Variants in CHL1 observed in about 807,000 individuals in gnomAD.
CHL1 encodes the protein cell adhesion molecule L1 like.
In CHL1, 96 loss-of-function variants were observed where a neutral mutation model predicts 141.9. That is an observed-to-expected ratio of 0.68 (90% CI 0.57 to 0.80). The LOEUF (loss-of-function observed/expected upper bound fraction) is 0.80, where lower values mean the gene tolerates loss of function less well. Ranked by LOEUF, CHL1 falls within the 30% of genes least tolerant of loss-of-function variation. The pLI, the probability that CHL1 is intolerant of heterozygous loss-of-function variation, is 0.00. For synonymous variants in CHL1, 613 were observed against 502.2 expected (o/e 1.22, Z -2.95); for missense variants, 1,820 against 1,457.2 (o/e 1.25, Z -4.05).
chr3:273,781 G>A (rs1445238646), intron 2 of CHL1, among the ~76,000 whole-genome samples: 5 of 152,038 alleles, frequency 3.3e-5, no homozygotes, highest in Non-Finnish European at 7.4e-5. Flanking sequence ...TGGTAGGATG[G>A]TAATATGCCT....
At chr3:217,213 C>A (rs554664060) in intron 1 of CHL1, among the ~76,000 whole-genome samples, 1 of 152,204 alleles carries the variant, frequency 6.6e-6, no homozygotes, top group East Asian at 1.9e-4. Flanking sequence ...TGCAGCTGTG[C>A]TCCCAGATAC....
At chr3:251,214 A>T (rs1223998094) in intron 2 of CHL1, among the ~76,000 whole-genome samples, 1 of 152,108 alleles carries the variant, frequency 6.6e-6, no homozygotes, top group Non-Finnish European at 1.5e-5. Context: ...GAATGCTTTC[A>T]TTTTTCTTGA....
intron 24 of CHL1, among the ~76,000 whole-genome samples, chr3:396,249 G>T (rs1708655684): frequency 6.6e-6 from 1 of 152,102 alleles, no homozygotes; most frequent in South Asian, 2.1e-4. Context: ...TAACTAAAAG[G>T]TTCTTATGTC....
intron 2 of CHL1, among the ~76,000 whole-genome samples, chr3:270,135 G>A (rs1695509060): frequency 1.3e-5 from 2 of 152,160 alleles, no homozygotes; most frequent in Non-Finnish European, 2.9e-5. Context: ...TGGGGGGAAG[G>A]GGGAAATATT....
chr3:294,608 G>A (rs1304938645), intron 2 of CHL1, among the ~76,000 whole-genome samples: 2 of 152,018 alleles, frequency 1.3e-5, no homozygotes, highest in South Asian at 2.1e-4. Context: ...GATTATGAAA[G>A]GTAGTCATTC....
At chr3:361,027 T>A (rs1465262118) in intron 12 of CHL1, among the ~76,000 whole-genome samples, 3 of 152,038 alleles carry the variant, frequency 2.0e-5, no homozygotes, top group Non-Finnish European at 2.9e-5. Context: ...GTCTTTGCTA[T>A]TGTGAATAAT....
At chr3:370,216 C>A (rs1575191291) in intron 15 of CHL1, among the ~76,000 whole-genome samples, 1 of 152,266 alleles carries the variant, frequency 6.6e-6, no homozygotes. Context: ...GGCTGTCAAT[C>A]CATCTGGTCC....
chr3:347,994 T>A (rs1170441724), intron 9 of CHL1, among the ~76,000 whole-genome samples: 1 of 152,206 alleles, frequency 6.6e-6, no homozygotes, highest in Admixed American at 6.5e-5. Context: ...AACTGAATTA[T>A]TTTAACCACA....
At chr3:318,940 C>T (rs1249347971) in intron 2 of CHL1, among the ~76,000 whole-genome samples, 1 of 151,416 alleles carries the variant, frequency 6.6e-6, no homozygotes, top group Non-Finnish European at 1.5e-5. Context: ...TAGCCATTAA[C>T]ACTCATCAGT....
intron 2 of CHL1, among the ~76,000 whole-genome samples, chr3:270,980 A>G (rs1320453472): frequency 1.3e-5 from 2 of 152,220 alleles, no homozygotes; most frequent in Admixed American, 6.5e-5. Flanking sequence ...CCTTAGAATA[A>G]TTGGTTACAA....
At chr3:351,078 C>T (rs1012962105) in intron 10 of CHL1, among the ~76,000 whole-genome samples, 1 of 152,162 alleles carries the variant, frequency 6.6e-6, no homozygotes. Context: ...AGAAACACTT[C>T]CAGATGGCTG....
chr3:386,201 A>G (rs918328583), intron 19 of CHL1, among the ~76,000 whole-genome samples: 1 of 78,258 alleles, frequency 1.3e-5, no homozygotes, highest in African/African-American at 4.6e-5. Flanking sequence ...TCAGAGGGAC[A>G]TAATTTGAAA....
In CHL1 at chr3:390,764, C is replaced by G; in HGVS notation, c.2534C>G (p.Thr845Ser). The change falls in exon 21 of 28, where the codon ACC becomes AGC. Residue 845 changes from threonine (T) to serine (S), a missense_variant. Transcript: ENST00000256509. Reference protein sequence around the residue: ...DVINSTLVKVTWSTVPKDRVH... With the variant: ...DVINSTLVKVSWSTVPKDRVH... Reference sequence around the variant, plus strand: ...ATAAACAGTACATTAGTTAAAGTTACCTGGTCAACAGTTCCAAAGGACAGA... The same window carrying G: ...ATAAACAGTACATTAGTTAAAGTTAGCTGGTCAACAGTTCCAAAGGACAGA... 2 of 1,612,854 alleles carry G rather than the reference C, an allele frequency of 1.2e-6. No individual in the cohort carries two copies. Among genetic ancestry groups the G allele is most frequent in the Non-Finnish European group, 1.7e-6 (2 of 1,178,860 alleles).
chr3:389,115 C>T (rs1382975708), intron 19 of CHL1, 137 bp from the exon 20 acceptor site: 3 of 723,946 alleles, frequency 4.1e-6, no homozygotes, highest in Non-Finnish European at 6.9e-6. Flanking sequence ...GTCTCTAAAC[C>T]AAGAAGGGGG....
At chr3:263,974 T>C (rs116897975) in intron 2 of CHL1, among the ~76,000 whole-genome samples, 1 of 152,334 alleles carries the variant, frequency 6.6e-6, no homozygotes, top group East Asian at 1.9e-4. Flanking sequence ...GTGATCTGCT[T>C]ATCTAAGACG....
chr3:208,722 T>G (rs1242277764), intron 1 of CHL1, among the ~76,000 whole-genome samples: 1 of 152,232 alleles, frequency 6.6e-6, no homozygotes, highest in East Asian at 1.9e-4. Flanking sequence ...GGTTCACAAC[T>G]AACTCCTAAA....
chr3:377,427 G>C (rs890084215), intron 15 of CHL1, among the ~76,000 whole-genome samples: 1 of 152,148 alleles, frequency 6.6e-6, no homozygotes, highest in Non-Finnish European at 1.5e-5. Flanking sequence ...ATCTGCCTTT[G>C]TAGGAAGCAC....
intron 2 of CHL1, among the ~76,000 whole-genome samples, chr3:269,919 G>A (rs1282216753): frequency 1.3e-5 from 2 of 152,160 alleles, no homozygotes; most frequent in East Asian, 3.9e-4. Context: ...AAAGCAGCAA[G>A]AGGCAGTGAG....
At chr3:405,450 T>A in intron 27 of CHL1, 45 bp from the exon 28 acceptor site, 1 of 1,244,644 alleles carries the variant, frequency 8.0e-7, no homozygotes, top group Non-Finnish European at 1.2e-6. Flanking sequence ...ACATGAATAT[T>A]AATATTAGAT....
Sources: allele counts gnomAD v4.1 joint callset (sites outside exome capture counted in the v4.1 genomes callset), GRCh38; gene constraint gnomAD v4.1.1; transcripts MANE v1.5; gene names NCBI Gene and HGNC (gene_info 2026-07-23, HGNC 2026-07-21).